TMEM117: variants seen among roughly 807,000 people sequenced by gnomAD.
TMEM117 encodes transmembrane protein 117.
Under a neutral mutation model 52.4 loss-of-function variants are expected in TMEM117, and 27 were observed. That is an observed-to-expected ratio of 0.51 (90% CI 0.38 to 0.71). The LOEUF (loss-of-function observed/expected upper bound fraction) is 0.71, where lower values mean the gene tolerates loss of function less well. Ranked by LOEUF, TMEM117 falls within the 30% of genes least tolerant of loss-of-function variation. The pLI, the probability that TMEM117 is intolerant of heterozygous loss-of-function variation, is 0.00. For missense variants in TMEM117, 556 were observed against 630.5 expected, an observed-to-expected ratio of 0.88 and a Z score of 1.26; for synonymous variants, 215 against 206.3, an observed-to-expected ratio of 1.04 and a Z score of -0.36.
chr12:44,396,474 GGGGA>G, the TMEM117 span, among the ~76,000 whole-genome samples: 1 of 151,948 alleles, frequency 6.6e-6, no homozygotes, highest in African/African-American at 2.4e-5. Flanking sequence ...TTGGTGTGGG[GGGGA>G]GGAATTAATT....
chr12:44,184,349 A>C (rs2138323642), intron 4 of TMEM117, among the ~76,000 whole-genome samples: 1 of 152,276 alleles, frequency 6.6e-6, no homozygotes, highest in East Asian at 1.9e-4. Context: ...CATTTCAAAA[A>C]TAAAGTAAAA....
At chr12:44,245,171 G>C (rs547831163) in intron 5 of TMEM117, among the ~76,000 whole-genome samples, 18 of 152,012 alleles carry the variant, frequency 1.2e-4, no homozygotes, top group African/African-American at 4.1e-4. Flanking sequence ...TGACTATTCA[G>C]AGTCTTTTGT....
intron 3 of TMEM117, among the ~76,000 whole-genome samples, chr12:44,089,572 T>A (rs1947628633): frequency 6.6e-6 from 1 of 152,088 alleles, no homozygotes; most frequent in Non-Finnish European, 1.5e-5. Context: ...CCCCACAGAT[T>A]TTCACCTCTG....
intron 6 of TMEM117, among the ~76,000 whole-genome samples, chr12:44,322,841 A>G (rs1951150217): frequency 6.6e-6 from 1 of 151,968 alleles, no homozygotes; most frequent in Admixed American, 6.6e-5. Flanking sequence ...CAAAAAAGAT[A>G]CTCATACCCT....
chr12:43,969,498 G>A (rs1945545274), intron 3 of TMEM117, among the ~76,000 whole-genome samples: 1 of 151,334 alleles, frequency 6.6e-6, no homozygotes. Context: ...CTCCAGCCTG[G>A]GCAACAGAGT....
At chr12:44,389,917 G>C (rs1486005731), downstream of TMEM117, among the ~76,000 whole-genome samples, 1 of 151,920 alleles carries the variant, frequency 6.6e-6, no homozygotes, top group Non-Finnish European at 1.5e-5. Context: ...GTTTCTTGAG[G>C]GGGTGAGGGA....
chr12:43,868,397 A>G (rs1017839988), intron 2 of TMEM117, among the ~76,000 whole-genome samples: 1 of 132,688 alleles, frequency 7.5e-6, no homozygotes. Context: ...TAATAATAAT[A>G]AAAAAAAAGC....
At chr12:44,231,145 T>G (rs1949927395) in intron 5 of TMEM117, among the ~76,000 whole-genome samples, 1 of 151,968 alleles carries the variant, frequency 6.6e-6, no homozygotes, top group Non-Finnish European at 1.5e-5. Flanking sequence ...TCAGGCTTTG[T>G]GGTGATCATT....
chr12:43,883,585 T>C (rs1943934608), intron 2 of TMEM117, among the ~76,000 whole-genome samples: 1 of 151,844 alleles, frequency 6.6e-6, no homozygotes, highest in Admixed American at 6.6e-5. Context: ...TAGTTATGAG[T>C]GGTTATAAGG....
chr12:43,849,298 A>C (rs539728896), intron 2 of TMEM117, among the ~76,000 whole-genome samples: 1 of 152,286 alleles, frequency 6.6e-6, no homozygotes, highest in South Asian at 2.1e-4. Context: ...CCATTCAAGA[A>C]ATTTTCTCAG....
chr12:44,177,896 T>C (rs1218357964), intron 4 of TMEM117, among the ~76,000 whole-genome samples: 1 of 152,192 alleles, frequency 6.6e-6, no homozygotes, highest in Non-Finnish European at 1.5e-5. Context: ...AAGTTTCTCC[T>C]TACAGTGACA....
chr12:44,240,548 CTG>C (rs1489592496), intron 5 of TMEM117, among the ~76,000 whole-genome samples: 1 of 152,100 alleles, frequency 6.6e-6, no homozygotes, highest in Non-Finnish European at 1.5e-5. Context: ...TTCCCAGAAA[CTG>C]TGGCTAATTT....
At chr12:44,353,230 C>T (rs888460636) in intron 6 of TMEM117, among the ~76,000 whole-genome samples, 1 of 151,778 alleles carries the variant, frequency 6.6e-6, no homozygotes, top group African/African-American at 2.4e-5. Flanking sequence ...TGAAAATTTT[C>T]TCCCATTCTG....
At chr12:43,928,366 A>G (rs1944815198) in intron 2 of TMEM117, among the ~76,000 whole-genome samples, 1 of 151,938 alleles carries the variant, frequency 6.6e-6, no homozygotes, top group Non-Finnish European at 1.5e-5. Flanking sequence ...TTTGCCTCAG[A>G]TATGTCTTCT....
intron 5 of TMEM117, among the ~76,000 whole-genome samples, chr12:44,285,559 T>C (rs1445228926): frequency 6.6e-6 from 1 of 152,212 alleles, no homozygotes; most frequent in African/African-American, 2.4e-5. Flanking sequence ...CGACATTTCC[T>C]GATCTCAAGA....
intron 5 of TMEM117, among the ~76,000 whole-genome samples, chr12:44,286,906 A>G (rs1319595916): frequency 6.6e-6 from 1 of 152,206 alleles, no homozygotes; most frequent in Non-Finnish European, 1.5e-5. Flanking sequence ...TCTACTACAA[A>G]GCAAATCCTT....
At chr12:43,804,952 G>A in the TMEM117 span, among the ~76,000 whole-genome samples, 1 of 152,166 alleles carries the variant, frequency 6.6e-6, no homozygotes, top group African/African-American at 2.4e-5. Flanking sequence ...TCAAGCTTAT[G>A]ACAGACACTC....
intron 2 of TMEM117, among the ~76,000 whole-genome samples, chr12:43,847,489 G>T (rs80098499): frequency 0.062 from 9,498 of 152,230 alleles, 826 homozygotes; most frequent in African/African-American, 0.2. Context: ...GTTTAAGGAA[G>T]TGGTCAAGGT....
intron 3 of TMEM117, among the ~76,000 whole-genome samples, chr12:44,135,365 A>G (rs1337554071): frequency 6.6e-6 from 1 of 152,218 alleles, no homozygotes; most frequent in Non-Finnish European, 1.5e-5. Context: ...TATCAGGGTC[A>G]TGGTCTAGCA....
Sources: allele counts gnomAD v4.1 joint callset (sites outside exome capture counted in the v4.1 genomes callset), GRCh38; gene constraint gnomAD v4.1.1; transcripts MANE v1.5; gene names NCBI Gene and HGNC (gene_info 2026-07-23, HGNC 2026-07-21).